CNGB3: variants seen among roughly 807,000 people sequenced by gnomAD.
The protein encoded by CNGB3 is cyclic nucleotide gated channel subunit beta 3, also known as cyclic nucleotide-gated channel beta-3.
In CNGB3, 86 loss-of-function variants were observed where a neutral mutation model predicts 92.8. That is an observed-to-expected ratio of 0.93 (90% confidence interval 0.78 to 1.11). The LOEUF is 1.11. Among genes scored for constraint, CNGB3 ranks in the 50% least tolerant of loss-of-function variants. CNGB3 has a pLI of 0.00. For missense variants in CNGB3, 1,026 were observed against 956.8 expected (o/e 1.07, Z -0.95); for synonymous variants, 333 against 332.7 (o/e 1.00, Z -0.01).
intron 10 of CNGB3, among the ~76,000 whole-genome samples, chr8:86,635,914 CA>C (rs1213502580): frequency 7.1e-6 from 1 of 140,530 alleles, no homozygotes; most frequent in Non-Finnish European, 1.5e-5. Context: ...CAGGATTTGA[CA>C]TAAAGCCATA....
At chr8:86,640,983 G>C (rs1650099084) in intron 10 of CNGB3, among the ~76,000 whole-genome samples, 1 of 151,978 alleles carries the variant, frequency 6.6e-6, no homozygotes, top group African/African-American at 2.4e-5. Flanking sequence ...GATGAAACAG[G>C]AGGTTGGCAC....
At position 86,643,768 on chromosome 8, in the gene CNGB3, A is replaced by G; in HGVS notation, c.1161T>C (p.Tyr387=). 1 of 1,605,688 alleles carries G rather than the reference A, an allele frequency of 6.2e-7. No homozygotes were observed. The part of the protein sequence containing the change: ...YEGIGTTRWV[Y]DGEGNEYLRC... ...GAACTTACTCGTTTCCTTCCCCATC[A>G]TACACCCATCTAGTAGTGCCAATTC... Residue 387 remains tyrosine, a synonymous_variant, in exon 10 of 18, where the codon TAT becomes TAC. Coordinates refer to ENST00000320005, the MANE Select transcript of CNGB3 (RefSeq NM_019098.5).
chr8:86,635,195 C>T (rs996855603), intron 10 of CNGB3, among the ~76,000 whole-genome samples: 3 of 152,136 alleles, frequency 2.0e-5, no homozygotes, highest in African/African-American at 7.2e-5. Context: ...TTTCAAATTC[C>T]AATTTATAAT....
intron 13 of CNGB3, among the ~76,000 whole-genome samples, chr8:86,614,408 T>C (rs1433840095): frequency 2.6e-5 from 4 of 152,114 alleles, no homozygotes; most frequent in Admixed American, 6.5e-5. Flanking sequence ...GAAACCTCCC[T>C]GGGTAACACC....
chr8:86,612,051 G>A (rs1349867490), intron 13 of CNGB3, among the ~76,000 whole-genome samples: 1 of 151,966 alleles, frequency 6.6e-6, no homozygotes, highest in Non-Finnish European at 1.5e-5. Context: ...AGTATATTAG[G>A]ACCAACATAG....
At position 86,726,625 on chromosome 8, in the gene CNGB3, G is replaced by T; in HGVS notation, c.244C>A (p.Leu82Met). 1 of 1,613,704 alleles carries T rather than the reference G, an allele frequency of 6.2e-7. No individual in the cohort carries two copies. The highest frequency in any genetic ancestry group is 8.5e-7 in the Non-Finnish European group (1 of 1,179,742). ...KLSKKNSSGD[L>M]TTNPDPQNAA... ...TTTTGAGGGTCAGGGTTTGTGGTCA[G>T]ATCTCCAGAGGAATTTTTCTTGGAG... The change falls in exon 3 of 18, where the codon CTG (leucine) becomes ATG (methionine). Residue 82 changes from leucine (L) to methionine (M), a missense_variant. Transcript: ENST00000320005.
At chr8:86,611,757 A>G in intron 13 of CNGB3, 86 bp from the exon 14 acceptor site, 1 of 974,594 alleles carries the variant, frequency 1.0e-6, no homozygotes. Context: ...AATAAACAGT[A>G]ATATATATTG....
At chr8:86,625,589 G>A (rs1822830344) in intron 13 of CNGB3, among the ~76,000 whole-genome samples, 1 of 152,068 alleles carries the variant, frequency 6.6e-6, no homozygotes, top group Non-Finnish European at 1.5e-5. Context: ...GACATGATTA[G>A]GTATAATTCT....
At chr8:86,590,841 T>A (rs1303170008) in intron 15 of CNGB3, among the ~76,000 whole-genome samples, 2 of 150,848 alleles carry the variant, frequency 1.3e-5, no homozygotes, top group African/African-American at 2.4e-5. Flanking sequence ...TCTCGAGGAG[T>A]ATCTTTGTGG....
chr8:86,598,181 G>A (rs1056632350), intron 15 of CNGB3, among the ~76,000 whole-genome samples: 3 of 152,140 alleles, frequency 2.0e-5, no homozygotes, highest in African/African-American at 7.2e-5. Context: ...GCAGTGATAT[G>A]ATCAGATCTG....
intron 3 of CNGB3, among the ~76,000 whole-genome samples, chr8:86,701,512 C>G (rs1824555786): frequency 6.6e-6 from 1 of 152,128 alleles, no homozygotes; most frequent in African/African-American, 2.4e-5. Flanking sequence ...TACATCATAT[C>G]TAGATAAATA....
chr8:86,621,124 A>G (rs188004801), intron 13 of CNGB3, among the ~76,000 whole-genome samples: 2 of 152,350 alleles, frequency 1.3e-5, no homozygotes, highest in African/African-American at 2.4e-5. Context: ...AAAAACTGAT[A>G]TCTTCTCAAA....
intron 3 of CNGB3, among the ~76,000 whole-genome samples, chr8:86,697,392 G>C (rs1025635523): frequency 6.6e-6 from 1 of 152,124 alleles, no homozygotes; most frequent in Non-Finnish European, 1.5e-5. Flanking sequence ...AGATTCTGTA[G>C]TTATATCATT....
intron 15 of CNGB3, chr8:86,594,407 T>G (rs57924508): frequency 0.011 from 3,264 of 287,690 alleles, 102 homozygotes; most frequent in African/African-American, 0.07. Context: ...AAACCAGGCG[T>G]GCTTGCTCCT....
chr8:86,674,340 G>T (rs1304614035), intron 3 of CNGB3, among the ~76,000 whole-genome samples: 1 of 152,190 alleles, frequency 6.6e-6, no homozygotes, highest in Non-Finnish European at 1.5e-5. Context: ...GAAAAAGAAT[G>T]CAAGCATATC....
intron 7 of CNGB3, 49 bp from the exon 8 acceptor site, chr8:86,647,936 G>T: frequency 9.4e-7 from 1 of 1,059,002 alleles, no homozygotes; most frequent in Non-Finnish European, 1.5e-6. Context: ...ATGCCTTTCT[G>T]GGAATGGATG....
chr8:86,729,409 A>C (rs1359906712), intron 2 of CNGB3, among the ~76,000 whole-genome samples: 3 of 152,250 alleles, frequency 2.0e-5, no homozygotes. Flanking sequence ...AATTAATTCT[A>C]GGTAGATCTT....
At chr8:86,711,816 ACTCT>A (rs200870640) in intron 3 of CNGB3, among the ~76,000 whole-genome samples, 28,793 of 143,378 alleles carry the variant, frequency 0.2, 3,243 homozygotes, top group African/African-American at 0.32. Context: ...GTAGTTTACC[ACTCT>A]CTCTCTCTCT....
chr8:86,733,575 C>T (rs964014270), intron 2 of CNGB3, among the ~76,000 whole-genome samples: 2 of 152,182 alleles, frequency 1.3e-5, no homozygotes, highest in Non-Finnish European at 2.9e-5. Flanking sequence ...TCTCTTCCCA[C>T]CTTATCCTTT....
Sources: allele counts gnomAD v4.1 joint callset (sites outside exome capture counted in the v4.1 genomes callset), GRCh38; gene constraint gnomAD v4.1.1; transcripts MANE v1.5; gene names NCBI Gene and HGNC (gene_info 2026-07-23, HGNC 2026-07-21).